The following RFX8 variants were observed in gnomAD, a reference collection of about 807,000 sequenced individuals.
The protein encoded by RFX8 is regulatory factor X8.
A neutral mutation model predicts 54.6 loss-of-function variants in RFX8; 46 were observed. That is an observed-to-expected ratio of 0.84 (90% CI 0.67 to 1.08). The LOEUF (loss-of-function observed/expected upper bound fraction) is 1.08, where lower values mean the gene tolerates loss of function less well. RFX8 is among the 50% of genes least tolerant of loss of function. The pLI is 0.00. For synonymous variants in RFX8, 192 were observed against 209.5 expected (o/e 0.92, Z 0.72); for missense variants, 536 against 562.3 (o/e 0.95, Z 0.47).
At chr2:101,428,815 T>C (rs1456319456) in intron 2 of RFX8, 2 of 623,962 alleles carry the variant, frequency 3.2e-6, no homozygotes, top group Non-Finnish European at 5.8e-6. Context: ...GCACTGAACA[T>C]TCATGGTCAG....
intron 2 of RFX8, among the ~76,000 whole-genome samples, chr2:101,424,858 G>A (rs1208619984): frequency 1.3e-5 from 2 of 152,132 alleles, no homozygotes; most frequent in East Asian, 3.9e-4. Context: ...ACACACCAGG[G>A]CCCGTCAGGG....
rs1330258976 is a variant in RFX8, at chr2:101,413,064, C to T, written c.569G>A (p.Arg190Gln). ...ACGCCTCTTACTTTTCAATACCATT[C>T]GCATAGTCTAAAGATAACAGGGAGG... Reference protein sequence around the residue: ...TYLSNMAKTMRMVLKSKRRVS... With the variant: ...TYLSNMAKTMQMVLKSKRRVS... Residue 190 changes from arginine (R) to glutamine (Q), a missense_variant, in exon 8 of 12, where the codon CGA (arginine) becomes CAA (glutamine). Transcript: ENST00000428343. The T allele has an allele frequency of 5.8e-6, 9 of 1,551,740 alleles. No individual in the cohort carries two copies. Among genetic ancestry groups the T allele is most frequent in the South Asian group, 4.8e-5 (4 of 84,016 alleles).
At chr2:101,400,899 A>ATAGCC (rs1685403586) in intron 11 of RFX8, among the ~76,000 whole-genome samples, 1 of 152,156 alleles carries the variant, frequency 6.6e-6, no homozygotes, top group African/African-American at 2.4e-5. Flanking sequence ...CCTCCTAGGT[A>ATAGCC]TAGCCTAGCC....
In RFX8 at chr2:101,460,233, C is replaced by T. The variant is rs1282390509; in HGVS notation, c.72+6544G>A. Among the ~76,000 whole-genome samples the T allele has an allele frequency of 2.0e-5, 3 of 152,064 alleles. No homozygotes were observed. In the East Asian group the frequency reaches 5.8e-4, roughly 29 times the overall value. On this transcript the variant is annotated intron_variant, in intron 2 of 11. Coordinates refer to ENST00000428343, the MANE Select transcript of RFX8 (RefSeq NM_001145664.2). ...CGACACCCCACCCTGCTTCAGCTTG[C>T]CCTCGGTGGGCTGCACCCACTGTCC...
chr2:101,398,118 A>G (rs1644121951), intron 11 of RFX8, among the ~76,000 whole-genome samples: 1 of 152,178 alleles, frequency 6.6e-6, no homozygotes, highest in East Asian at 1.9e-4. Flanking sequence ...TCAGCCTCCC[A>G]AAGTGCTGAG....
chr2:101,448,109 G>T (rs1293197045), intron 2 of RFX8, among the ~76,000 whole-genome samples: 2 of 152,210 alleles, frequency 1.3e-5, no homozygotes, highest in Non-Finnish European at 2.9e-5. Context: ...ATCTTGGAAA[G>T]GCCCCACCTC....
At chr2:101,429,295 G>A (rs1198289719) in intron 2 of RFX8, among the ~76,000 whole-genome samples, 3 of 152,066 alleles carry the variant, frequency 2.0e-5, no homozygotes, top group Non-Finnish European at 4.4e-5. Flanking sequence ...TCGCTCCTGT[G>A]GGAAAAGAAA....
chr2:101,424,022 C>T (rs974019482), intron 2 of RFX8, among the ~76,000 whole-genome samples: 10 of 152,154 alleles, frequency 6.6e-5, no homozygotes, highest in African/African-American at 1.4e-4. Context: ...ATGCATACTA[C>T]GCACACAATA....
intron 2 of RFX8, among the ~76,000 whole-genome samples, chr2:101,445,828 T>C (rs554473775): frequency 3.2e-4 from 49 of 152,306 alleles, no homozygotes; most frequent in African/African-American, 1.2e-3. Context: ...AGAACAGGCC[T>C]GACTTATTGT....
In RFX8 at chr2:101,428,228, C is replaced by G. The variant is rs532798008; in HGVS notation, c.73-5756G>C. ...GAATCGCTTGAACCAGCCTGGGCAA[C>G]AAAACGAGATTCCATCTCAAAACAA... On this transcript the variant is annotated intron_variant, in intron 2 of 11. Coordinates refer to ENST00000428343, the MANE Select transcript of RFX8 (RefSeq NM_001145664.2). Among the ~76,000 whole-genome samples the G allele has an allele frequency of 5.9e-5, 9 of 152,224 alleles. No individual in the cohort carries two copies. In the South Asian group the frequency reaches 1.9e-3, roughly 32 times the overall value.
At chr2:101,418,405 C>T (rs1686661225) in intron 5 of RFX8, among the ~76,000 whole-genome samples, 1 of 152,012 alleles carries the variant, frequency 6.6e-6, no homozygotes, top group Non-Finnish European at 1.5e-5. Flanking sequence ...AGGAGAACAC[C>T]TTTTTAATCC....
intron 10 of RFX8, 95 bp downstream of exon 10, chr2:101,405,848 C>T (rs371589479): frequency 2.9e-5 from 19 of 655,916 alleles, no homozygotes; most frequent in African/African-American, 2.4e-4. Flanking sequence ...TAAAAGAAGA[C>T]GGCTGGATTC....
At chr2:101,402,805 C>A (rs1685521480) in intron 10 of RFX8, 53 bp from the exon 11 acceptor site, 1 of 1,456,632 alleles carries the variant, frequency 6.9e-7, no homozygotes, top group Non-Finnish European at 9.2e-7. Flanking sequence ...AGACAATAAA[C>A]AAATCATTGT....
intron 1 of RFX8, among the ~76,000 whole-genome samples, chr2:101,472,100 G>T (rs151163029): frequency 0.01 from 1,551 of 152,122 alleles, 26 homozygotes; most frequent in African/African-American, 0.035. Context: ...ATCTGTTTTG[G>T]GTTTTTTATT....
intron 2 of RFX8, among the ~76,000 whole-genome samples, chr2:101,437,607 G>C (rs2148953086): frequency 6.6e-6 from 1 of 151,828 alleles, no homozygotes; most frequent in Admixed American, 6.6e-5. Context: ...AAAAAAAAGA[G>C]AAAGGAAGAG....
intron 2 of RFX8, 70 bp downstream of exon 2, chr2:101,466,707 T>C: frequency 9.0e-7 from 1 of 1,107,484 alleles, no homozygotes; most frequent in South Asian, 1.3e-5. Flanking sequence ...CATTGCAACA[T>C]TTCCTCCAAT....
chr2:101,467,133 G>A (rs769269990), intron 1 of RFX8, among the ~76,000 whole-genome samples: 10 of 152,168 alleles, frequency 6.6e-5, no homozygotes, highest in Non-Finnish European at 1.3e-4. Flanking sequence ...AGCCCATAAC[G>A]TGTTTCTGTT....
intron 2 of RFX8, among the ~76,000 whole-genome samples, chr2:101,463,515 T>C (rs999080367): frequency 6.6e-6 from 1 of 152,134 alleles, no homozygotes; most frequent in Non-Finnish European, 1.5e-5. Context: ...AGAGCTGGCA[T>C]GTGGGAGAGC....
chr2:101,398,142 G>C (rs1197066548), intron 11 of RFX8, among the ~76,000 whole-genome samples: 1 of 152,184 alleles, frequency 6.6e-6, no homozygotes, highest in Admixed American at 6.5e-5. Context: ...ACAGGCGTGA[G>C]CCACAGCACC....
Sources: allele counts gnomAD v4.1 joint callset (sites outside exome capture counted in the v4.1 genomes callset), GRCh38; gene constraint gnomAD v4.1.1; transcripts MANE v1.5; gene names NCBI Gene and HGNC (gene_info 2026-07-23, HGNC 2026-07-21).